The following ECT2L variants were observed in gnomAD, a reference collection of about 807,000 sequenced individuals.
ECT2L encodes the protein epithelial cell transforming 2 like, also known as epithelial cell-transforming sequence 2 oncogene-like.
In ECT2L, 126 loss-of-function variants were observed where a neutral mutation model predicts 122.8. That is an observed-to-expected ratio of 1.03 (90% CI 0.89 to 1.19). ECT2L has a LOEUF of 1.19. Ranked by LOEUF, ECT2L falls within the 50% of genes most tolerant of loss-of-function variation. The probability of loss-of-function intolerance (pLI) is 0.00; values close to 1 mark genes in which losing one functional copy is unlikely to be tolerated. For synonymous variants in ECT2L, 385 were observed against 381.8 expected, an observed-to-expected ratio of 1.01 and a Z score of -0.10; for missense variants, 1,012 against 1,064.1, an observed-to-expected ratio of 0.95 and a Z score of 0.68.
chr6:138,827,139 G>A (rs113510888), intron 4 of ECT2L, among the ~76,000 whole-genome samples: 9 of 152,214 alleles, frequency 5.9e-5, no homozygotes, highest in African/African-American at 2.2e-4. Flanking sequence ...ATGAGGTCAG[G>A]AGTTCAAGAC....
intron 10 of ECT2L, among the ~76,000 whole-genome samples, chr6:138,859,981 C>A (rs779901760): frequency 6.6e-6 from 1 of 151,928 alleles, no homozygotes; most frequent in Middle Eastern, 3.2e-3. Context: ...CGCCACCATG[C>A]CCGGCTAATT....
At chr6:138,847,680 AG>A (rs1777284270) in intron 8 of ECT2L, among the ~76,000 whole-genome samples, 1 of 151,954 alleles carries the variant, frequency 6.6e-6, no homozygotes, top group Non-Finnish European at 1.5e-5. Context: ...CCCAGCCTAA[AG>A]GCCCAAACTT....
chr6:138,875,588 A>G (rs1778413756), intron 13 of ECT2L, among the ~76,000 whole-genome samples: 1 of 152,200 alleles, frequency 6.6e-6, no homozygotes, highest in Non-Finnish European at 1.5e-5. Context: ...GAGGGCTTTA[A>G]AAAAATGTGC....
intron 4 of ECT2L, among the ~76,000 whole-genome samples, chr6:138,831,512 A>G (rs906060029): frequency 6.6e-6 from 1 of 152,112 alleles, no homozygotes; most frequent in Non-Finnish European, 1.5e-5. Flanking sequence ...TGACATTGCC[A>G]TCTACCTAGG....
At chr6:138,830,664 A>G (rs1776620206) in intron 4 of ECT2L, among the ~76,000 whole-genome samples, 1 of 151,302 alleles carries the variant, frequency 6.6e-6, no homozygotes, top group African/African-American at 2.4e-5. Flanking sequence ...ACAAGTACTC[A>G]CTCCTCGAAA....
intron 14 of ECT2L, chr6:138,878,977 TTTTAG>T (rs1370950009): frequency 6.4e-6 from 1 of 156,362 alleles, no homozygotes; most frequent in South Asian, 1.9e-4. Context: ...GATTGCAGTT[TTTTAG>T]TTGAGAATGC....
At chr6:138,901,809 T>C (rs998661242) in intron 21 of ECT2L, among the ~76,000 whole-genome samples, 2 of 152,228 alleles carry the variant, frequency 1.3e-5, no homozygotes, top group Non-Finnish European at 2.9e-5. Context: ...TGTTTTTCAC[T>C]GCATGTAAAG....
At chr6:138,842,933 ACTGT>A (rs1777092098) in intron 5 of ECT2L, 42 bp from the exon 6 acceptor site, 1 of 1,406,488 alleles carries the variant, frequency 7.1e-7, no homozygotes, top group African/African-American at 1.4e-5. Context: ...TTGCTAGAAA[ACTGT>A]CTGAAAACAA....
intron 19 of ECT2L, among the ~76,000 whole-genome samples, chr6:138,887,128 C>A (rs1778852258): frequency 6.6e-6 from 1 of 152,180 alleles, no homozygotes; most frequent in South Asian, 2.1e-4. Flanking sequence ...TGCCCCTATC[C>A]CATAACTTTT....
chr6:138,885,285 C>T (rs1291739710), intron 16 of ECT2L, among the ~76,000 whole-genome samples: 2 of 152,090 alleles, frequency 1.3e-5, no homozygotes, highest in Non-Finnish European at 2.9e-5. Context: ...GCCTCCGCCT[C>T]CCAAAGTGCT....
In ECT2L at chr6:138,856,119, A is replaced by C. The variant is rs73557279; in HGVS notation, c.1198+1965A>C. Among the ~76,000 whole-genome samples, 962 of 152,342 alleles carry C rather than the reference A, an allele frequency of 6.3e-3. 14 individuals are homozygous for C. Among genetic ancestry groups the C allele is most frequent in the African/African-American group, 0.022 (915 of 41,570 alleles). ...GCATCCCTCTTAGGCTTGTCAGCCCAGTGGCTGTAAATCACTCCTAAAATC... is the reference window on the plus strand; with the variant it reads ...GCATCCCTCTTAGGCTTGTCAGCCCCGTGGCTGTAAATCACTCCTAAAATC... On this transcript the variant is annotated intron_variant, in intron 10 of 21. Coordinates refer to ENST00000541398, the MANE Select transcript of ECT2L (RefSeq NM_001077706.3).
chr6:138,818,776 C>A (rs560243685), intron 4 of ECT2L, among the ~76,000 whole-genome samples: 2 of 152,022 alleles, frequency 1.3e-5, no homozygotes, highest in East Asian at 3.9e-4. Flanking sequence ...GATCTGAATA[C>A]ACTGACCCAA....
At chr6:138,827,999 T>G (rs1489934128) in intron 4 of ECT2L, among the ~76,000 whole-genome samples, 1 of 152,166 alleles carries the variant, frequency 6.6e-6, no homozygotes, top group Non-Finnish European at 1.5e-5. Flanking sequence ...AGGTTACATA[T>G]GTATACATGC....
chr6:138,804,907 T>A (rs1775663715), intron 1 of ECT2L, among the ~76,000 whole-genome samples: 1 of 152,172 alleles, frequency 6.6e-6, no homozygotes, highest in Admixed American at 6.5e-5. Flanking sequence ...TAACGTTCAA[T>A]GAATCACAGC....
At chr6:138,836,455 A>C (rs1342271850) in intron 4 of ECT2L, among the ~76,000 whole-genome samples, 9 of 151,884 alleles carry the variant, frequency 5.9e-5, no homozygotes, top group Admixed American at 5.9e-4. Flanking sequence ...TGCCCGGCTA[A>C]CTTTTGTATT....
chr6:138,849,532 C>A (rs1009954958), intron 9 of ECT2L, 98 bp downstream of exon 9: 13 of 1,239,982 alleles, frequency 1.0e-5, no homozygotes, highest in Non-Finnish European at 1.4e-5. Context: ...TTCCAAGTTG[C>A]TAAGACGTGT....
At chr6:138,877,509 T>C (rs1455045854) in intron 14 of ECT2L, among the ~76,000 whole-genome samples, 1 of 152,190 alleles carries the variant, frequency 6.6e-6, no homozygotes, top group African/African-American at 2.4e-5. Flanking sequence ...TAAAAATATA[T>C]ACATACAGAA....
chr6:138,847,138 T>TG (rs1376709653), intron 8 of ECT2L, among the ~76,000 whole-genome samples: 2 of 150,790 alleles, frequency 1.3e-5, no homozygotes, highest in Admixed American at 6.6e-5. Flanking sequence ...GGTGTGGTGG[T>TG]GTGTGCCTGT....
chr6:138,882,271 T>C (rs1485296151), intron 15 of ECT2L, among the ~76,000 whole-genome samples: 1 of 152,184 alleles, frequency 6.6e-6, no homozygotes, highest in Admixed American at 6.5e-5. Context: ...GAGGTTGAAC[T>C]GGGCCTCTTT....
Sources: allele counts gnomAD v4.1 joint callset (sites outside exome capture counted in the v4.1 genomes callset), GRCh38; gene constraint gnomAD v4.1.1; transcripts MANE v1.5; gene names NCBI Gene and HGNC (gene_info 2026-07-23, HGNC 2026-07-21).